Variants in ACLY observed in about 807,000 individuals in gnomAD.
The protein encoded by ACLY is ATP citrate lyase, also known as ATP-citrate synthase.
A neutral mutation model predicts 133.0 loss-of-function variants in ACLY; 41 were observed. The observed-to-expected ratio is 0.31, with a 90% CI of 0.24 to 0.40. The LOEUF (loss-of-function observed/expected upper bound fraction) is 0.40. Ranked by LOEUF, ACLY falls within the 10% of genes least tolerant of loss-of-function variation. The pLI is 1.00. For synonymous variants in ACLY, 495 were observed against 549.3 expected (o/e 0.90, Z 1.38); for missense variants, 1,046 against 1,453.8 (o/e 0.72, Z 4.56).
chr17:41,876,318 C>T (rs1555626157), intron 22 of ACLY, among the ~76,000 whole-genome samples: 7 of 148,412 alleles, frequency 4.7e-5, no homozygotes, highest in Admixed American at 6.7e-5. Context: ...CCCGGCCAGC[C>T]GCCCCGTCCG....
At chr17:41,892,240 T>TGGGGGGGGGGGGGGG in intron 16 of ACLY, 39 bp downstream of exon 16, 9 of 400,144 alleles carry the variant, frequency 2.2e-5, no homozygotes, top group Non-Finnish European at 3.2e-5. Flanking sequence ...GCATAGTTCA[T>TGGGGGGGGGGGGGGG]GGTCCCCACC....
chr17:41,883,004 A>G, intron 20 of ACLY, 118 bp downstream of exon 20: 1 of 837,570 alleles, frequency 1.2e-6, no homozygotes, highest in Non-Finnish European at 1.8e-6. Flanking sequence ...CCAAGCAAGT[A>G]ACAAACGTTT....
intron 3 of ACLY, among the ~76,000 whole-genome samples, chr17:41,911,522 G>C (rs1433520506): frequency 6.6e-6 from 1 of 152,238 alleles, no homozygotes; most frequent in African/African-American, 2.4e-5. Flanking sequence ...GCTGGGAGAA[G>C]TTAATAATTG....
intron 5 of ACLY, 67 bp downstream of exon 5, chr17:41,909,443 T>A: frequency 1.3e-6 from 2 of 1,545,462 alleles, no homozygotes; most frequent in Admixed American, 3.4e-5. Context: ...CTCTCCCCAG[T>A]CTGTGCCCAG....
chr17:41,911,476 A>C (rs962294460), intron 3 of ACLY, among the ~76,000 whole-genome samples: 9 of 152,208 alleles, frequency 5.9e-5, no homozygotes, highest in Non-Finnish European at 1.2e-4. Context: ...GTTTCACTTT[A>C]ACTCTCTCAT....
chr17:41,869,687 C>A lies in ACLY; in HGVS notation c.2938-100G>T, dbSNP rs578035027. The A allele has an allele frequency of 4.0e-6, 4 of 996,238 alleles. No homozygotes were observed. The South Asian group carries it at 4.5e-5, about 11-fold the overall frequency. 61.7% of individuals were successfully genotyped at this position (996,238 alleles called of 1,614,324 possible). On this transcript the variant is annotated intron_variant, in intron 25 of 28. Coordinates refer to ENST00000352035, the MANE Select transcript of ACLY (RefSeq NM_001096.3). Reference sequence around the variant, plus strand: ...GTAGGTAGAACTGGACATATCCCAGCGGCGATTCAGGAACCTGGCCCACGT... The same window carrying A: ...GTAGGTAGAACTGGACATATCCCAGAGGCGATTCAGGAACCTGGCCCACGT...
At chr17:41,927,025 C>G (rs781853889) in intron 1 of ACLY, among the ~76,000 whole-genome samples, 1 of 151,948 alleles carries the variant, frequency 6.6e-6, no homozygotes, top group Non-Finnish European at 1.5e-5. Flanking sequence ...TGTGCCATCA[C>G]GCCCAGCTAA....
At chr17:41,895,061 C>T (rs1461183880) in intron 14 of ACLY, among the ~76,000 whole-genome samples, 3 of 152,182 alleles carry the variant, frequency 2.0e-5, no homozygotes, top group South Asian at 4.1e-4. Context: ...GATCACAGAA[C>T]AAGGGGAGCC....
In ACLY at chr17:41,901,129, A is replaced by AT. The variant is rs782019106; in HGVS notation, c.1183+566dup. 7.5e-4 allele frequency among the ~76,000 whole-genome samples: 107 copies of AT among 142,170 alleles called. 1 individual carries two copies. The highest frequency in any genetic ancestry group is 1.6e-3 in the South Asian group (7 of 4,400). The allele number at this position is 142,170 out of a possible 152,430, so 93.3% of individuals were successfully genotyped here. On this transcript the variant is annotated intron_variant, in intron 11 of 28. Coordinates refer to ENST00000352035, the MANE Select transcript of ACLY (RefSeq NM_001096.3). ...ACCACCATGACCGGCTAATTTTTGTATTTTTTTTTTTGTAGAGGCAGGGTC... is the reference window on the plus strand; with the variant it reads ...ACCACCATGACCGGCTAATTTTTGTATTTTTTTTTTTTGTAGAGGCAGGGTC...
upstream of ACLY, among the ~76,000 whole-genome samples, chr17:41,923,398 C>T (rs940034001): frequency 9.2e-5 from 14 of 152,314 alleles, no homozygotes; most frequent in Middle Eastern, 3.4e-3. Context: ...ATTTATTGAG[C>T]ACCTACTATG....
chr17:41,891,631 C>T (rs1453166271), intron 16 of ACLY, among the ~76,000 whole-genome samples: 4 of 151,938 alleles, frequency 2.6e-5, no homozygotes, highest in African/African-American at 9.7e-5. Flanking sequence ...AATCTTCTTG[C>T]CTTGACCTCC....
At position 41,904,726 on chromosome 17, in the gene ACLY, T is replaced by A; in HGVS notation, c.1065+3A>T. 1 of 1,613,458 alleles carries A rather than the reference T, an allele frequency of 6.2e-7. No homozygotes were observed. Among genetic ancestry groups the A allele is most frequent in the Admixed American group, 1.7e-5 (1 of 60,014 alleles). ...GAAACTGCACCACTGTTGCAACTGT[T>A]ACCTTGAACGTGGCAGCCACGTTGG... On this transcript the variant is annotated splice_donor_region_variant and intron_variant, in intron 10 of 28. Coordinates refer to ENST00000352035, the MANE Select transcript of ACLY (RefSeq NM_001096.3).
chr17:41,881,524 G>A (rs1251738518), intron 20 of ACLY, among the ~76,000 whole-genome samples: 1 of 151,596 alleles, frequency 6.6e-6, no homozygotes, highest in Non-Finnish European at 1.5e-5. Flanking sequence ...ATGCACGCCA[G>A]ACCTTTACAA....
intron 1 of ACLY, among the ~76,000 whole-genome samples, chr17:41,927,278 C>T (rs2050255159): frequency 6.6e-6 from 1 of 152,138 alleles, no homozygotes; most frequent in Non-Finnish European, 1.5e-5. Flanking sequence ...TGTAATCTAC[C>T]CCTCACTTCC....
chr17:41,926,483 TTTTTG>T (rs1172894778), intron 1 of ACLY, among the ~76,000 whole-genome samples: 2 of 152,190 alleles, frequency 1.3e-5, no homozygotes, highest in Non-Finnish European at 2.9e-5. Context: ...TATTTTATGG[TTTTTG>T]TTTTGTTTTG....
At chr17:41,909,471 A>T in intron 5 of ACLY, 39 bp downstream of exon 5, 2 of 1,601,482 alleles carry the variant, frequency 1.2e-6, no homozygotes, top group Non-Finnish European at 1.7e-6. Context: ...CGGTCTTCTC[A>T]TCCGAACTGC....
chr17:41,904,485 T>C, intron 10 of ACLY: 1 of 515,830 alleles, frequency 1.9e-6, no homozygotes, highest in Non-Finnish European at 3.5e-6. Flanking sequence ...TCGCCTCCCA[T>C]GCTTCAGGTG....
intron 5 of ACLY, 100 bp from the exon 6 acceptor site, chr17:41,909,168 C>T (rs2049817510): frequency 2.2e-6 from 2 of 919,056 alleles, no homozygotes; most frequent in African/African-American, 3.2e-5. Context: ...CCGACAGCTC[C>T]ATTTCCCTAA....
chr17:41,896,877 A>T (rs781955752), intron 13 of ACLY, among the ~76,000 whole-genome samples: 2 of 152,232 alleles, frequency 1.3e-5, no homozygotes, highest in Admixed American at 6.5e-5. Context: ...ACGGGCAGAG[A>T]GGGGGCAGGA....
Sources: allele counts gnomAD v4.1 joint callset (sites outside exome capture counted in the v4.1 genomes callset), GRCh38; gene constraint gnomAD v4.1.1; transcripts MANE v1.5; gene names NCBI Gene and HGNC (gene_info 2026-07-23, HGNC 2026-07-21).